SHROOM3: variants seen among roughly 807,000 people sequenced by gnomAD.
The protein encoded by SHROOM3 is protein Shroom3.
A neutral mutation model predicts 138.6 loss-of-function variants in SHROOM3; 47 were observed. The ratio of observed to expected loss-of-function variants is 0.34; its 90% CI spans 0.27 to 0.43. The LOEUF (loss-of-function observed/expected upper bound fraction) is 0.43, where lower values mean the gene tolerates loss of function less well. Among genes scored for constraint, SHROOM3 ranks in the 20% least tolerant of loss-of-function variants. The pLI, the probability that SHROOM3 is intolerant of heterozygous loss-of-function variation, is 1.00. For missense variants in SHROOM3, 2,491 were observed against 2,596.5 expected (o/e 0.96, Z 0.88); for synonymous variants, 1,062 against 1,063.3 (o/e 1.00, Z 0.02).
intron 2 of SHROOM3, among the ~76,000 whole-genome samples, chr4:76,611,574 G>A (rs906244688): frequency 1.3e-5 from 2 of 152,116 alleles, no homozygotes; most frequent in Admixed American, 1.3e-4. Flanking sequence ...CAGTTTTTAC[G>A]TAGTGAACTT....
At chr4:76,546,811 C>T (rs1733229613) in intron 1 of SHROOM3, among the ~76,000 whole-genome samples, 1 of 152,100 alleles carries the variant, frequency 6.6e-6, no homozygotes, top group Non-Finnish European at 1.5e-5. Context: ...ACTGAAGTGC[C>T]CCTCAATCAC....
intron 1 of SHROOM3, among the ~76,000 whole-genome samples, chr4:76,491,948 C>A (rs12639868): frequency 0.075 from 11,470 of 152,080 alleles, 729 homozygotes; most frequent in South Asian, 0.26. Context: ...GTAAGAGTTC[C>A]AGAAAGAGAG....
chr4:76,605,609 A>C (rs1271225106), intron 2 of SHROOM3, among the ~76,000 whole-genome samples: 1 of 152,160 alleles, frequency 6.6e-6, no homozygotes, highest in Admixed American at 6.5e-5. Flanking sequence ...AGAATTGCTT[A>C]GTTGTTGAGA....
At chr4:76,588,776 G>A (rs1415471676) in intron 2 of SHROOM3, among the ~76,000 whole-genome samples, 1 of 152,012 alleles carries the variant, frequency 6.6e-6, no homozygotes, top group Non-Finnish European at 1.5e-5. Flanking sequence ...AAAAGAAACA[G>A]CTTCCTCACC....
At chr4:76,527,927 G>T (rs957592910) in intron 1 of SHROOM3, among the ~76,000 whole-genome samples, 15 of 152,206 alleles carry the variant, frequency 9.9e-5, no homozygotes, top group Non-Finnish European at 2.1e-4. Context: ...GAAGGGCCCT[G>T]TTGATTTAGA....
Position 76,779,327 on chromosome 4 carries a change from C to T in SHROOM3, c.*150C>T. On this transcript the variant is annotated 3_prime_UTR_variant, in exon 11 of 11. Coordinates refer to ENST00000296043, the MANE Select transcript of SHROOM3 (RefSeq NM_020859.4). ...AAAAAAATTCTCTCCAGGAGGAAGC[C>T]TTTTTCCTTCTTGCCCTTCCTGATT... The T allele has an allele frequency of 9.9e-7, 1 of 1,012,434 alleles. No homozygotes were observed. Among genetic ancestry groups the T allele is most frequent in the Non-Finnish European group, 1.4e-6 (1 of 713,270 alleles). 62.7% of individuals were successfully genotyped at this position (1,012,434 alleles called of 1,614,324 possible). A position where few individuals can be genotyped will look rare whatever the true frequency, so the allele number is the denominator to read the frequency against.
chr4:76,676,891 A>G (rs895349176), intron 2 of SHROOM3, among the ~76,000 whole-genome samples: 1 of 148,364 alleles, frequency 6.7e-6, no homozygotes, highest in Non-Finnish European at 1.5e-5. Flanking sequence ...TGCAGTGAGC[A>G]GAGATGGCGC....
intron 2 of SHROOM3, among the ~76,000 whole-genome samples, chr4:76,616,895 T>G (rs1734894569): frequency 6.6e-6 from 1 of 152,230 alleles, no homozygotes; most frequent in African/African-American, 2.4e-5. Flanking sequence ...CCAATTGGAC[T>G]TCCCTCCTGC....
intron 2 of SHROOM3, among the ~76,000 whole-genome samples, chr4:76,620,586 G>A (rs34436358): frequency 0.07 from 10,722 of 152,250 alleles, 466 homozygotes; most frequent in South Asian, 0.097. Context: ...GCAAGGGAGT[G>A]TGTGGACACT....
At chr4:76,532,748 A>T (rs1186523958) in intron 1 of SHROOM3, among the ~76,000 whole-genome samples, 2 of 151,452 alleles carry the variant, frequency 1.3e-5, no homozygotes, top group Non-Finnish European at 2.9e-5. Flanking sequence ...CTCAGCGTAC[A>T]TTTTTTTTTC....
At chr4:76,718,982 CT>C (rs1720457784) in intron 3 of SHROOM3, among the ~76,000 whole-genome samples, 1 of 152,112 alleles carries the variant, frequency 6.6e-6, no homozygotes, top group Non-Finnish European at 1.5e-5. Flanking sequence ...TAGGGGTAGC[CT>C]TCTCCGGGCA....
At chr4:76,672,774 A>T (rs956081247) in intron 2 of SHROOM3, among the ~76,000 whole-genome samples, 2 of 152,128 alleles carry the variant, frequency 1.3e-5, no homozygotes, top group African/African-American at 4.8e-5. Flanking sequence ...GGGTTTCACC[A>T]TGTTAGCCAG....
At chr4:76,759,776 C>A in intron 9 of SHROOM3, 81 bp downstream of exon 9, 1 of 1,518,602 alleles carries the variant, frequency 6.6e-7, no homozygotes, top group Non-Finnish European at 9.0e-7. Flanking sequence ...GGTGACTGGG[C>A]CTCTTGAGGC....
chr4:76,499,653 G>A (rs758321397), intron 1 of SHROOM3, among the ~76,000 whole-genome samples: 2 of 152,150 alleles, frequency 1.3e-5, no homozygotes, highest in Non-Finnish European at 2.9e-5. Flanking sequence ...TTTCAGTGAG[G>A]GCCGTGGGAC....
chr4:76,589,304 C>T (rs1194558846), intron 2 of SHROOM3, among the ~76,000 whole-genome samples: 1 of 152,102 alleles, frequency 6.6e-6, no homozygotes, highest in Non-Finnish European at 1.5e-5. Flanking sequence ...CCTGTCTCTA[C>T]TAAAAATACA....
chr4:76,723,772 A>G (rs1188471404), intron 3 of SHROOM3, among the ~76,000 whole-genome samples: 2 of 152,218 alleles, frequency 1.3e-5, no homozygotes, highest in African/African-American at 2.4e-5. Context: ...ATAGTCCTGT[A>G]TCATAAAGGT....
intron 1 of SHROOM3, among the ~76,000 whole-genome samples, chr4:76,439,372 C>T (rs1730623448): frequency 1.3e-5 from 2 of 152,112 alleles, no homozygotes; most frequent in African/African-American, 4.8e-5. Context: ...TATTTGCAAC[C>T]TTAATTCACC....
intron 10 of SHROOM3, among the ~76,000 whole-genome samples, chr4:76,772,014 A>G (rs1352989275): frequency 6.6e-6 from 1 of 151,378 alleles, no homozygotes; most frequent in East Asian, 2.0e-4. Flanking sequence ...ATGTGTGTGT[A>G]TGTGTATATA....
intron 2 of SHROOM3, among the ~76,000 whole-genome samples, chr4:76,574,000 G>A (rs1451123787): frequency 6.6e-6 from 1 of 152,182 alleles, no homozygotes; most frequent in African/African-American, 2.4e-5. Flanking sequence ...AAATGGTGCA[G>A]TGGAGCCAGG....
Sources: gnomAD v4.1 joint callset for allele counts (sites outside exome capture counted in the v4.1 genomes callset) on GRCh38, gnomAD v4.1.1 for gene constraint, MANE v1.5 for transcripts, NCBI Gene and HGNC (gene_info 2026-07-23, HGNC 2026-07-21) for gene names.